SLC17A1: variants seen among roughly 807,000 people sequenced by gnomAD.
SLC17A1 encodes the protein sodium-dependent phosphate transport protein 1.
SLC17A1 carries 51 observed loss-of-function variants against 53.5 expected under a neutral mutation model. The ratio of observed to expected loss-of-function variants is 0.95; its 90% CI spans 0.76 to 1.20. The LOEUF (loss-of-function observed/expected upper bound fraction) is 1.20. Ranked by LOEUF, SLC17A1 falls within the 50% of genes most tolerant of loss-of-function variation. The probability of loss-of-function intolerance (pLI) is 0.00; values close to 1 mark genes in which losing one functional copy is unlikely to be tolerated. For missense variants in SLC17A1, 538 were observed against 568.2 expected (o/e 0.95, Z 0.54); for synonymous variants, 179 against 198.8 (o/e 0.90, Z 0.84).
At chr6:25,790,309 G>A (rs557294770) in intron 12 of SLC17A1, among the ~76,000 whole-genome samples, 5 of 152,190 alleles carry the variant, frequency 3.3e-5, no homozygotes, top group Middle Eastern at 3.4e-3. Flanking sequence ...TTTATGTTCC[G>A]TCCACAACAT....
At chr6:25,765,375 G>A in the SLC17A1 span, among the ~76,000 whole-genome samples, 3 of 152,172 alleles carry the variant, frequency 2.0e-5, 1 homozygote, top group Admixed American at 1.3e-4. Context: ...CATTTTGTAG[G>A]AGCCTGCTCA....
the SLC17A1 span, among the ~76,000 whole-genome samples, chr6:25,754,480 A>G: frequency 6.6e-6 from 1 of 152,164 alleles, no homozygotes; most frequent in Non-Finnish European, 1.5e-5. Flanking sequence ...TCAGTGAAAC[A>G]TGTGGGGTGT....
chr6:25,821,379 G>A (rs902207961), intron 3 of SLC17A1, among the ~76,000 whole-genome samples: 1 of 152,170 alleles, frequency 6.6e-6, no homozygotes, highest in Non-Finnish European at 1.5e-5. Flanking sequence ...TAACCAGTGA[G>A]GCACATCCTT....
the SLC17A1 span, among the ~76,000 whole-genome samples, chr6:25,757,058 T>C: frequency 6.6e-6 from 1 of 152,222 alleles, no homozygotes; most frequent in Admixed American, 6.5e-5. Flanking sequence ...CATTTGCCAA[T>C]GAGTATTTGT....
chr6:25,777,519 C>T, the SLC17A1 span: 5 of 161,074 alleles, frequency 3.1e-5, no homozygotes, highest in East Asian at 1.8e-4. Flanking sequence ...TTTATACCCA[C>T]GGAGGGTATA....
Position 25,819,025 on chromosome 6 carries a change from T to C in SLC17A1, c.616+43A>G, listed in dbSNP as rs775745257. ...TTGGGTTTTAATGTTTAAATTTTTT[T>C]AGATTCTGAATAATAACTAGGATTT... On this transcript the variant is annotated intron_variant, in intron 6 of 12. Coordinates refer to ENST00000244527, the MANE Select transcript of SLC17A1 (RefSeq NM_005074.5). 40 of 1,358,012 alleles carry C rather than the reference T, an allele frequency of 2.9e-5. No individual in the cohort carries two copies. In the South Asian group the frequency reaches 5.0e-4, roughly 17 times the overall value. 84.1% of individuals were successfully genotyped at this position (1,358,012 alleles called of 1,614,324 possible).
At chr6:25,726,957 A>C in the SLC17A1 span, 1 of 1,614,110 alleles carries the variant, frequency 6.2e-7, no homozygotes, top group Admixed American at 1.7e-5. Flanking sequence ...GAAGGGCTTT[A>C]AGAAAGCTGT....
chr6:25,828,838 T>C (rs939528161), intron 2 of SLC17A1, among the ~76,000 whole-genome samples: 1 of 152,128 alleles, frequency 6.6e-6, no homozygotes, highest in Non-Finnish European at 1.5e-5. Context: ...AATATATCCA[T>C]CCATACCAAA....
chr6:25,762,465 C>T, the SLC17A1 span, among the ~76,000 whole-genome samples: 1 of 152,162 alleles, frequency 6.6e-6, no homozygotes, highest in African/African-American at 2.4e-5. Context: ...TAGAAGTCAC[C>T]TTTCTCCCTT....
At chr6:25,763,069 C>T in the SLC17A1 span, among the ~76,000 whole-genome samples, 5 of 152,222 alleles carry the variant, frequency 3.3e-5, no homozygotes, top group African/African-American at 1.2e-4. Context: ...TTACCACTCA[C>T]ATAGTGTCCC....
chr6:25,728,913 C>T, the SLC17A1 span, among the ~76,000 whole-genome samples: 1 of 152,226 alleles, frequency 6.6e-6, no homozygotes, highest in Non-Finnish European at 1.5e-5. Flanking sequence ...AAAGCCCCTG[C>T]ATGCTTTAGC....
chr6:25,736,233 C>A, the SLC17A1 span, among the ~76,000 whole-genome samples: 1 of 152,114 alleles, frequency 6.6e-6, no homozygotes, highest in African/African-American at 2.4e-5. Flanking sequence ...TGTTAGTGGG[C>A]CCCACCCTTT....
the SLC17A1 span, among the ~76,000 whole-genome samples, chr6:25,766,748 C>T: frequency 0.021 from 3,268 of 152,258 alleles, 74 homozygotes; most frequent in African/African-American, 0.058. Context: ...CCACAAAACA[C>T]CTGACTGGTG....
the SLC17A1 span, chr6:25,771,127 T>A: frequency 1.2e-6 from 1 of 831,186 alleles, no homozygotes; most frequent in Non-Finnish European, 2.0e-6. Flanking sequence ...AAGCTGGTAG[T>A]GTTCAGAGCC....
chr6:25,725,984 C>G, the SLC17A1 span: 2 of 705,412 alleles, frequency 2.8e-6, no homozygotes, highest in Non-Finnish European at 4.7e-6. Flanking sequence ...TGCGCTTAAA[C>G]GGGCATTTGT....
the SLC17A1 span, chr6:25,771,093 T>G: frequency 9.1e-7 from 1 of 1,100,096 alleles, no homozygotes; most frequent in Non-Finnish European, 1.4e-6. Context: ...CAAATCCTAA[T>G]AGATATGGAT....
At chr6:25,732,095 GT>G in the SLC17A1 span, 1 of 934,880 alleles carries the variant, frequency 1.1e-6, no homozygotes, top group Non-Finnish European at 1.5e-6. Context: ...CCTCCTTCGA[GT>G]TTTAGCAACT....
chr6:25,822,649 C>T (rs1168916386), intron 3 of SLC17A1, among the ~76,000 whole-genome samples: 1 of 152,098 alleles, frequency 6.6e-6, no homozygotes, highest in African/African-American at 2.4e-5. Context: ...GAGCTCCCTC[C>T]TCTTTTAGAG....
At chr6:25,759,738 C>A in the SLC17A1 span, among the ~76,000 whole-genome samples, 15,857 of 152,242 alleles carry the variant, frequency 0.1, 1,046 homozygotes, top group Middle Eastern at 0.16. Context: ...CTAGTCCCAC[C>A]TCTTTACCTT....
Sources: allele counts gnomAD v4.1 joint callset (sites outside exome capture counted in the v4.1 genomes callset), GRCh38; gene constraint gnomAD v4.1.1; transcripts MANE v1.5; gene names NCBI Gene and HGNC (gene_info 2026-07-23, HGNC 2026-07-21).